Variants in SLIT3 observed in about 807,000 individuals in gnomAD.
The protein encoded by SLIT3 is slit guidance ligand 3.
A neutral mutation model predicts 184.0 loss-of-function variants in SLIT3; 68 were observed. That is an observed-to-expected ratio of 0.37 (90% confidence interval 0.30 to 0.45). SLIT3 has a LOEUF of 0.45. Ranked by LOEUF, SLIT3 falls within the 20% of genes least tolerant of loss-of-function variation. The pLI is 1.00. For missense variants in SLIT3, 1,707 were observed against 2,026.0 expected, an observed-to-expected ratio of 0.84 and a Z score of 3.02; for synonymous variants, 831 against 828.6, an observed-to-expected ratio of 1.00 and a Z score of -0.05.
intron 7 of SLIT3, among the ~76,000 whole-genome samples, chr5:168,821,060 A>T (rs1333152380): frequency 9.2e-5 from 14 of 152,156 alleles, no homozygotes. Flanking sequence ...CTAAAGAGAA[A>T]ATGGCAGCAG....
In SLIT3 at chr5:168,852,599, C is replaced by T. The variant is rs115811678; in HGVS notation, c.486-7944G>A. 6.2e-3 allele frequency among the ~76,000 whole-genome samples: 941 copies of T among 152,342 alleles called. 7 individuals carry two copies. Among genetic ancestry groups the T allele is most frequent in the African/African-American group, 0.021 (885 of 41,572 alleles). ...ACTGAAACCACATCATCTCCTTCAG[C>T]CTCGAGAGATCTTTGTTTCCCTTTA... On this transcript the variant is annotated intron_variant, in intron 5 of 35. Coordinates refer to ENST00000519560, the MANE Select transcript of SLIT3 (RefSeq NM_003062.4).
At chr5:169,059,076 A>T (rs1312206339) in intron 4 of SLIT3, among the ~76,000 whole-genome samples, 1 of 152,180 alleles carries the variant, frequency 6.6e-6, no homozygotes, top group East Asian at 1.9e-4. Context: ...AGCTCCAAGA[A>T]CACTTGCTTT....
At chr5:168,971,307 C>A (rs1256219950) in intron 4 of SLIT3, among the ~76,000 whole-genome samples, 2 of 152,194 alleles carry the variant, frequency 1.3e-5, no homozygotes, top group Non-Finnish European at 2.9e-5. Flanking sequence ...TTTATGCCTG[C>A]ATTACACATG....
chr5:169,173,201 C>T (rs1235387944), intron 4 of SLIT3, among the ~76,000 whole-genome samples: 1 of 152,160 alleles, frequency 6.6e-6, no homozygotes, highest in Admixed American at 6.5e-5. Context: ...GCGAGGGTTG[C>T]AGTGAGCCAA....
intron 18 of SLIT3, among the ~76,000 whole-genome samples, chr5:168,751,636 GC>G (rs1393928216): frequency 1.3e-5 from 2 of 152,094 alleles, no homozygotes; most frequent in African/African-American, 4.8e-5. Context: ...TCCCACGACA[GC>G]GCACTACCCG....
chr5:168,673,028 G>T, intron 33 of SLIT3, 149 bp downstream of exon 33: 1 of 731,000 alleles, frequency 1.4e-6, no homozygotes, highest in Admixed American at 2.3e-5. Flanking sequence ...CCATGGCCTG[G>T]CTAGTGCTTA....
At chr5:168,730,515 A>T (rs1166558537) in intron 20 of SLIT3, among the ~76,000 whole-genome samples, 1 of 152,108 alleles carries the variant, frequency 6.6e-6, no homozygotes, top group African/African-American at 2.4e-5. Context: ...ACCTGAAATT[A>T]TATCAAGTAT....
intron 14 of SLIT3, 25 bp from the exon 15 acceptor site, chr5:168,762,714 T>C: frequency 1.2e-6 from 2 of 1,608,304 alleles, no homozygotes; most frequent in East Asian, 2.2e-5. Context: ...AGAGGGGACG[T>C]CAGCGTCACC....
At chr5:169,161,971 G>A (rs1486220802) in intron 4 of SLIT3, among the ~76,000 whole-genome samples, 1 of 151,908 alleles carries the variant, frequency 6.6e-6, no homozygotes, top group Non-Finnish European at 1.5e-5. Flanking sequence ...GTTTGTAAAG[G>A]GTGCCAACAC....
chr5:169,150,120 T>G (rs1368903927), intron 4 of SLIT3, among the ~76,000 whole-genome samples: 1 of 152,200 alleles, frequency 6.6e-6, no homozygotes, highest in Non-Finnish European at 1.5e-5. Flanking sequence ...AAATATGCCT[T>G]ATATGAGCAA....
chr5:168,715,891 T>G (rs1450963496), intron 23 of SLIT3, among the ~76,000 whole-genome samples: 1 of 152,110 alleles, frequency 6.6e-6, no homozygotes, highest in African/African-American at 2.4e-5. Context: ...AGGCTGGTCT[T>G]GAACTCCAGG....
chr5:169,026,275 T>C (rs189943303), intron 4 of SLIT3: 49 of 152,336 alleles, frequency 3.2e-4, no homozygotes, highest in Admixed American at 1.1e-3. Context: ...GAAGGCTTCC[T>C]GAAATAGACA....
At chr5:169,103,862 G>A (rs558380153) in intron 4 of SLIT3, among the ~76,000 whole-genome samples, 1 of 152,316 alleles carries the variant, frequency 6.6e-6, no homozygotes, top group South Asian at 2.1e-4. Context: ...AGCAAGGCCA[G>A]GGAAAGAACG....
At chr5:168,761,179 G>A (rs1047903406) in intron 15 of SLIT3, among the ~76,000 whole-genome samples, 1 of 152,164 alleles carries the variant, frequency 6.6e-6, no homozygotes, top group Non-Finnish European at 1.5e-5. Flanking sequence ...GACTTTCTGA[G>A]TATTCCGCGT....
At chr5:168,949,801 A>T (rs1310933643) in intron 4 of SLIT3, among the ~76,000 whole-genome samples, 1 of 152,156 alleles carries the variant, frequency 6.6e-6, no homozygotes, top group African/African-American at 2.4e-5. Context: ...TATGTTACTC[A>T]GGATGGTCTC....
chr5:169,161,448 T>C (rs1762475143), intron 4 of SLIT3, among the ~76,000 whole-genome samples: 2 of 152,122 alleles, frequency 1.3e-5, no homozygotes, highest in South Asian at 4.2e-4. Context: ...GAGCTGCAAA[T>C]CTCTCTTCAC....
intron 6 of SLIT3, among the ~76,000 whole-genome samples, chr5:168,828,378 C>T (rs1757768403): frequency 6.6e-6 from 1 of 152,048 alleles, no homozygotes; most frequent in Non-Finnish European, 1.5e-5. Context: ...TGCCTATAAT[C>T]CCAGTACATT....
chr5:169,172,711 C>A (rs535121495), intron 4 of SLIT3, among the ~76,000 whole-genome samples: 158 of 152,302 alleles, frequency 1.0e-3, no homozygotes, highest in African/African-American at 3.7e-3. Flanking sequence ...GCTCTTACAG[C>A]ACAACTTCCC....
At chr5:168,700,129 C>T (rs1582544669) in intron 27 of SLIT3, among the ~76,000 whole-genome samples, 4 of 152,220 alleles carry the variant, frequency 2.6e-5, no homozygotes, top group Admixed American at 6.5e-5. Context: ...CAGCACAGCA[C>T]GGGCACTGGG....
Sources: allele counts gnomAD v4.1 joint callset (sites outside exome capture counted in the v4.1 genomes callset), GRCh38; gene constraint gnomAD v4.1.1; transcripts MANE v1.5; gene names NCBI Gene and HGNC (gene_info 2026-07-23, HGNC 2026-07-21).